SYTL5: variants seen among roughly 807,000 people sequenced by gnomAD.
SYTL5 encodes the protein synaptotagmin like 5.
Under a neutral mutation model 55.9 loss-of-function variants are expected in SYTL5, and 34 were observed. That is an observed-to-expected ratio of 0.61 (90% CI 0.46 to 0.81). The LOEUF is 0.81. Among genes scored for constraint, SYTL5 ranks in the 30% least tolerant of loss-of-function variants. The probability of loss-of-function intolerance (pLI) is 0.00; values close to 1 mark genes in which losing one functional copy is unlikely to be tolerated. For synonymous variants in SYTL5, 221 were observed against 188.7 expected, an observed-to-expected ratio of 1.17 and a Z score of -1.40; for missense variants, 637 against 546.7, an observed-to-expected ratio of 1.17 and a Z score of -1.65.
At chrX:38,059,294 T>C (rs1363102944) in intron 3 of SYTL5, among the ~76,000 whole-genome samples, 1 of 111,952 alleles carries the variant, frequency 8.9e-6, no homozygotes, top group Non-Finnish European at 1.9e-5. Flanking sequence ...TTTCTTGTGG[T>C]TTTGGTCATG....
chrX:37,979,265 T>C, the SYTL5 span, among the ~76,000 whole-genome samples: 1 of 109,880 alleles, frequency 9.1e-6, no homozygotes, highest in Non-Finnish European at 1.9e-5. Flanking sequence ...GTCACATTAC[T>C]GAATCCACAT....
chrX:38,033,216 A>C (rs1935009714), intron 1 of SYTL5, among the ~76,000 whole-genome samples: 1 of 111,346 alleles, frequency 9.0e-6, no homozygotes, highest in African/African-American at 3.3e-5. Context: ...TTGTGCACTT[A>C]GTGTCCCAAA....
chrX:37,958,941 C>T, the SYTL5 span, among the ~76,000 whole-genome samples: 11 of 112,388 alleles, frequency 9.8e-5, no homozygotes, highest in Non-Finnish European at 2.1e-4. Context: ...CTGGAATGTA[C>T]TGGCGTGGGA....
the SYTL5 span, among the ~76,000 whole-genome samples, chrX:37,938,532 G>A: frequency 0.015 from 1,676 of 112,019 alleles, 33 homozygotes; most frequent in African/African-American, 0.052. Context: ...AAGATACAAA[G>A]AGCTGAGGAT....
chrX:38,107,592 G>A (rs891424846), intron 11 of SYTL5, among the ~76,000 whole-genome samples: 2 of 111,809 alleles, frequency 1.8e-5, no homozygotes, highest in Admixed American at 1.9e-4. Context: ...TCTGGGAATG[G>A]TGGGAATCCT....
chrX:37,927,757 C>T, the SYTL5 span, among the ~76,000 whole-genome samples: 1 of 110,938 alleles, frequency 9.0e-6, no homozygotes. Context: ...GCCTGGGTGA[C>T]AGAACAAGAC....
rs147885757 is a variant in SYTL5, at chrX:38,080,395, G to A, written c.689+3694G>A. 8.5e-3 allele frequency among the ~76,000 whole-genome samples: 942 copies of A among 111,441 alleles called. 5 individuals are homozygous for A. Among genetic ancestry groups the A allele is most frequent in the Middle Eastern group, 0.042 (9 of 214 alleles). On this transcript the variant is annotated intron_variant, in intron 6 of 16. Transcript: ENST00000297875. Reference sequence around the variant, plus strand: ...AGACGGTGGGACCTTGTTTGGTCTCGTAACCAACTAGGTTCTCATCTTTCT... The same window carrying A: ...AGACGGTGGGACCTTGTTTGGTCTCATAACCAACTAGGTTCTCATCTTTCT...
intron 2 of SYTL5, among the ~76,000 whole-genome samples, chrX:38,053,465 G>C: frequency 1.8e-5 from 2 of 112,224 alleles, no homozygotes; most frequent in Middle Eastern, 9.2e-3. Context: ...ATTCATGATG[G>C]AACCTGGATT....
the SYTL5 span, among the ~76,000 whole-genome samples, chrX:37,914,528 C>T: frequency 9.0e-6 from 1 of 111,212 alleles, no homozygotes; most frequent in Non-Finnish European, 1.9e-5. Flanking sequence ...AGGAATCATA[C>T]ACACATGATA....
the SYTL5 span, among the ~76,000 whole-genome samples, chrX:37,961,315 G>C: frequency 9.0e-6 from 1 of 111,371 alleles, no homozygotes; most frequent in East Asian, 2.8e-4. Context: ...TCGACATCTG[G>C]CAAGGTCCTT....
At chrX:38,026,104 G>C (rs1934764626) in intron 1 of SYTL5, among the ~76,000 whole-genome samples, 1 of 112,483 alleles carries the variant, frequency 8.9e-6, no homozygotes, top group African/African-American at 3.2e-5. Flanking sequence ...TCAGAATGAG[G>C]CTCCATCACC....
upstream of SYTL5, among the ~76,000 whole-genome samples, chrX:38,002,636 T>C (rs957339763): frequency 1.1e-4 from 12 of 112,630 alleles, no homozygotes; most frequent in Admixed American, 6.6e-4. Context: ...CATTTTTTCA[T>C]CTGTCTTTTG....
intron 1 of SYTL5, among the ~76,000 whole-genome samples, 189 bp downstream of exon 1, chrX:38,006,857 C>T (rs1019112221): frequency 9.0e-6 from 1 of 111,049 alleles, no homozygotes; most frequent in Admixed American, 9.6e-5. Flanking sequence ...CCATTGGTAG[C>T]TATGAGTTTA....
At chrX:37,958,844 T>C in the SYTL5 span, among the ~76,000 whole-genome samples, 1 of 112,387 alleles carries the variant, frequency 8.9e-6, no homozygotes, top group Non-Finnish European at 1.9e-5. Context: ...AAAAAATAAG[T>C]AGCTGGTCTT....
chrX:37,971,484 C>T, the SYTL5 span, among the ~76,000 whole-genome samples: 1 of 111,066 alleles, frequency 9.0e-6, no homozygotes, highest in Non-Finnish European at 1.9e-5. Flanking sequence ...AGTACTTTAG[C>T]CATGAGACAA....
intron 1 of SYTL5, among the ~76,000 whole-genome samples, chrX:38,022,619 A>C (rs1934595240): frequency 8.9e-6 from 1 of 112,069 alleles, no homozygotes; most frequent in African/African-American, 3.2e-5. Flanking sequence ...TGTAAGGATC[A>C]TTGTGATTAC....
chrX:38,044,422 G>A (rs1935397991), intron 2 of SYTL5, among the ~76,000 whole-genome samples: 1 of 111,778 alleles, frequency 8.9e-6, no homozygotes, highest in East Asian at 2.8e-4. Context: ...ATTCAATTTA[G>A]AGTCATTCTA....
At chrX:37,976,706 C>T in the SYTL5 span, among the ~76,000 whole-genome samples, 3 of 109,214 alleles carry the variant, frequency 2.7e-5, no homozygotes, top group Non-Finnish European at 3.8e-5. Context: ...CATGGTGGCT[C>T]ACGCCTGTAA....
At chrX:37,991,216 AG>A in the SYTL5 span, 6 of 1,195,271 alleles carry the variant, frequency 5.0e-6, no homozygotes, top group Non-Finnish European at 6.8e-6. Context: ...AGAGCCTTGA[AG>A]GGAACCTCAC....
Sources: allele counts gnomAD v4.1 joint callset (sites outside exome capture counted in the v4.1 genomes callset), GRCh38; gene constraint gnomAD v4.1.1; transcripts MANE v1.5; gene names NCBI Gene and HGNC (gene_info 2026-07-23, HGNC 2026-07-21).